Variants in FAT3 observed in about 807,000 individuals in gnomAD.
FAT3 encodes FAT atypical cadherin 3, also known as protocadherin Fat 3.
In FAT3, 95 loss-of-function variants were observed where a neutral mutation model predicts 310.2. The observed-to-expected ratio is 0.31, with a 90% confidence interval of 0.26 to 0.36. The LOEUF (loss-of-function observed/expected upper bound fraction) is 0.36, where lower values mean the gene tolerates loss of function less well. FAT3 is among the 10% of genes least tolerant of loss of function. The pLI, the probability that FAT3 is intolerant of heterozygous loss-of-function variation, is 1.00. For missense variants in FAT3, 5,408 were observed against 5,715.6 expected, an observed-to-expected ratio of 0.95 and a Z score of 1.74; for synonymous variants, 2,314 against 2,192.9, an observed-to-expected ratio of 1.06 and a Z score of -1.54.
intron 4 of FAT3, among the ~76,000 whole-genome samples, chr11:92,715,751 A>G (rs888651845): frequency 6.6e-6 from 1 of 152,064 alleles, no homozygotes; most frequent in African/African-American, 2.4e-5. Flanking sequence ...TAATGGCTGC[A>G]CTTATCAGGG....
intron 19 of FAT3, among the ~76,000 whole-genome samples, chr11:92,850,260 C>G (rs1948790482): frequency 6.6e-6 from 1 of 152,128 alleles, no homozygotes; most frequent in Non-Finnish European, 1.5e-5. Flanking sequence ...AAGAAATACA[C>G]CTCGGCAGAT....
intron 2 of FAT3, among the ~76,000 whole-genome samples, chr11:92,360,897 A>G (rs1458317937): frequency 6.6e-6 from 1 of 152,142 alleles, no homozygotes; most frequent in Non-Finnish European, 1.5e-5. Context: ...CTGAGATTTG[A>G]ACTCTAGTGT....
At chr11:92,360,077 C>G (rs1014784753) in intron 2 of FAT3, among the ~76,000 whole-genome samples, 2 of 152,128 alleles carry the variant, frequency 1.3e-5, no homozygotes, top group African/African-American at 4.8e-5. Context: ...AATGGTTGAA[C>G]TAGTTTACAG....
chr11:92,659,430 C>CT (rs1942696642), intron 3 of FAT3, among the ~76,000 whole-genome samples: 1 of 152,142 alleles, frequency 6.6e-6, no homozygotes, highest in African/African-American at 2.4e-5. Context: ...GGGAAAATTA[C>CT]TTTTTTACTG....
chr11:92,521,762 T>C (rs1953692787), intron 2 of FAT3, among the ~76,000 whole-genome samples: 1 of 152,160 alleles, frequency 6.6e-6, no homozygotes, highest in Non-Finnish European at 1.5e-5. Flanking sequence ...TAAGAGATAA[T>C]TATAAAGTTT....
chr11:92,541,646 G>C (rs1954451527), intron 3 of FAT3, among the ~76,000 whole-genome samples: 1 of 152,092 alleles, frequency 6.6e-6, no homozygotes, highest in South Asian at 2.1e-4. Flanking sequence ...GCAGTATCAA[G>C]TTTGTGCCAG....
chr11:92,285,355 A>G (rs1273825381), intron 1 of FAT3, among the ~76,000 whole-genome samples: 4 of 152,174 alleles, frequency 2.6e-5, no homozygotes, highest in African/African-American at 9.6e-5. Flanking sequence ...TTGATGTATT[A>G]TTATTAATAT....
intron 3 of FAT3, among the ~76,000 whole-genome samples, chr11:92,678,738 AT>A (rs1442050746): frequency 1.3e-5 from 2 of 152,154 alleles, no homozygotes; most frequent in African/African-American, 4.8e-5. Flanking sequence ...TAATAATTTA[AT>A]TGCTTAGTAA....
chr11:92,705,502 TG>T (rs1274642761), intron 4 of FAT3, among the ~76,000 whole-genome samples: 1 of 24,628 alleles, frequency 4.1e-5, no homozygotes, highest in Non-Finnish European at 8.2e-5. Flanking sequence ...GTGGTGGTGA[TG>T]GTGGTGGTGT....
intron 7 of FAT3, among the ~76,000 whole-genome samples, chr11:92,788,081 A>G (rs976550385): frequency 6.6e-6 from 1 of 152,146 alleles, no homozygotes; most frequent in African/African-American, 2.4e-5. Context: ...TCTAAATTCT[A>G]ACTAAAAAGA....
At chr11:92,326,481 G>A (rs928008432) in intron 1 of FAT3, among the ~76,000 whole-genome samples, 1 of 152,216 alleles carries the variant, frequency 6.6e-6, no homozygotes, top group Non-Finnish European at 1.5e-5. Context: ...ATTGGATGCG[G>A]TAGACAAAGA....
At chr11:92,331,003 TGAGAGAGAGA>T (rs67328951) in intron 1 of FAT3, among the ~76,000 whole-genome samples, 1,869 of 133,540 alleles carry the variant, frequency 0.014, 27 homozygotes, top group African/African-American at 0.048. Context: ...TGTGTGTGTG[TGAGAGAGAGA>T]GAGAGAGAAA....
chr11:92,886,537 C>G (rs928910457), intron 24 of FAT3, among the ~76,000 whole-genome samples: 3 of 152,138 alleles, frequency 2.0e-5, no homozygotes, highest in Non-Finnish European at 4.4e-5. Context: ...CACTTACTGT[C>G]CAGAGATGGA....
chr11:92,625,387 A>G (rs926060866), intron 3 of FAT3, among the ~76,000 whole-genome samples: 3 of 152,148 alleles, frequency 2.0e-5, no homozygotes, highest in Non-Finnish European at 2.9e-5. Context: ...GTCAGATCCT[A>G]TAGCCTGGAA....
intron 5 of FAT3, among the ~76,000 whole-genome samples, chr11:92,764,629 C>T (rs956126428): frequency 6.6e-6 from 1 of 152,142 alleles, no homozygotes; most frequent in Non-Finnish European, 1.5e-5. Flanking sequence ...ATTTGTCTTT[C>T]AAGGTCTCAA....
intron 6 of FAT3, among the ~76,000 whole-genome samples, chr11:92,773,647 T>C (rs1946518096): frequency 6.6e-6 from 1 of 152,300 alleles, no homozygotes; most frequent in Admixed American, 6.5e-5. Context: ...TAATAATAAT[T>C]GGACTATTTA....
intron 2 of FAT3, among the ~76,000 whole-genome samples, chr11:92,359,860 T>C (rs2134667658): frequency 7.1e-6 from 1 of 141,662 alleles, no homozygotes; most frequent in African/African-American, 2.7e-5. Flanking sequence ...GTGCCACATT[T>C]TCTTAATCCA....
intron 2 of FAT3, among the ~76,000 whole-genome samples, chr11:92,404,359 A>T (rs1400519398): frequency 6.6e-6 from 1 of 152,132 alleles, no homozygotes; most frequent in East Asian, 1.9e-4. Flanking sequence ...AGAAGGAGTG[A>T]TTAATTCTGT....
chr11:92,466,061 G>A (rs1951752582), intron 2 of FAT3, among the ~76,000 whole-genome samples: 1 of 152,080 alleles, frequency 6.6e-6, no homozygotes, highest in African/African-American at 2.4e-5. Flanking sequence ...AGGTACTATT[G>A]TCCTACCTTC....
Sources: allele counts gnomAD v4.1 joint callset (sites outside exome capture counted in the v4.1 genomes callset), GRCh38; gene constraint gnomAD v4.1.1; transcripts MANE v1.5; gene names NCBI Gene and HGNC (gene_info 2026-07-23, HGNC 2026-07-21).